Variants in POLA1 observed in about 807,000 individuals in gnomAD.
The protein encoded by POLA1 is DNA polymerase alpha catalytic subunit.
POLA1 carries 15 observed loss-of-function variants against 124.0 expected under a neutral mutation model. The observed-to-expected ratio is 0.12, with a 90% CI of 0.08 to 0.19. POLA1 has a LOEUF of 0.19. Among genes scored for constraint, POLA1 ranks in the 10% least tolerant of loss-of-function variants. The pLI, the probability that POLA1 is intolerant of heterozygous loss-of-function variation, is 1.00. For synonymous variants in POLA1, 408 were observed against 389.4 expected (o/e 1.05, Z -0.56); for missense variants, 886 against 1,103.4 (o/e 0.80, Z 2.79).
intron 34 of POLA1, among the ~76,000 whole-genome samples, chrX:24,864,233 C>T (rs750440157): frequency 5.4e-5 from 6 of 111,097 alleles, no homozygotes; most frequent in Admixed American, 9.6e-5. Flanking sequence ...CCGCCCGCCT[C>T]GGCCTCCCAA....
intron 26 of POLA1, among the ~76,000 whole-genome samples, chrX:24,762,719 G>A (rs1167637837): frequency 9.0e-6 from 1 of 110,670 alleles, no homozygotes; most frequent in Non-Finnish European, 1.9e-5. Flanking sequence ...CGTTGACCAA[G>A]AGGCAGATGT....
chrX:24,887,847 A>T (rs1401317353), intron 34 of POLA1, among the ~76,000 whole-genome samples, 159 bp from the exon 35 acceptor site: 1 of 107,935 alleles, frequency 9.3e-6, no homozygotes, highest in Non-Finnish European at 1.9e-5. Flanking sequence ...TGGGGCATAG[A>T]TCTATCTAAT....
intron 4 of POLA1, among the ~76,000 whole-genome samples, chrX:24,707,962 T>C (rs1287645745): frequency 8.9e-6 from 1 of 112,115 alleles, no homozygotes; most frequent in Non-Finnish European, 1.9e-5. Context: ...GCCACTGCAC[T>C]CCAGCCTGGG....
At chrX:24,947,921 G>A (rs1343827758) in intron 36 of POLA1, among the ~76,000 whole-genome samples, 2 of 112,289 alleles carry the variant, frequency 1.8e-5, no homozygotes, top group African/African-American at 6.5e-5. Context: ...ATCATTGCAC[G>A]ATATCATTGT....
chrX:24,877,608 G>A (rs1336170075), intron 34 of POLA1, among the ~76,000 whole-genome samples: 1 of 111,910 alleles, frequency 8.9e-6, no homozygotes, highest in Non-Finnish European at 1.9e-5. Flanking sequence ...ATGATGATTT[G>A]TGCTAAGGCG....
chrX:24,928,759 C>T (rs973616320), intron 35 of POLA1, among the ~76,000 whole-genome samples: 2 of 111,940 alleles, frequency 1.8e-5, no homozygotes, highest in African/African-American at 6.5e-5. Context: ...TAATCGCTGT[C>T]GTCCTCCTTT....
At chrX:24,938,858 C>T (rs1385119205) in intron 36 of POLA1, among the ~76,000 whole-genome samples, 1 of 112,348 alleles carries the variant, frequency 8.9e-6, no homozygotes, top group African/African-American at 3.2e-5. Flanking sequence ...GTTGCTTTCC[C>T]CATAAGTAGA....
intron 34 of POLA1, among the ~76,000 whole-genome samples, chrX:24,887,782 CAT>C (rs758122954): frequency 2.8e-5 from 3 of 107,932 alleles, no homozygotes; most frequent in African/African-American, 6.8e-5. Flanking sequence ...AATAACATCT[CAT>C]GTGATTTTCT....
chrX:24,805,792 A>G (rs992319689), intron 26 of POLA1, among the ~76,000 whole-genome samples: 1 of 111,167 alleles, frequency 9.0e-6, no homozygotes, highest in Non-Finnish European at 1.9e-5. Context: ...TTATTAATGA[A>G]TTTAGCAAGC....
At chrX:24,753,369 A>ATTTTATTTTATTTT (rs1289778406) in intron 26 of POLA1, among the ~76,000 whole-genome samples, 1 of 101,603 alleles carries the variant, frequency 9.8e-6, no homozygotes, top group African/African-American at 3.7e-5. Context: ...ATTTTATTTT[A>ATTTTATTTTATTTT]AGAAACAGGG....
rs907334474 is a variant in POLA1, at chrX:24,786,847, C to T, written c.2965-23051C>T. 3.7e-5 allele frequency among the ~76,000 whole-genome samples: 4 copies of T among 108,334 alleles called. 1 individual carries two copies. The highest frequency in any genetic ancestry group is 1.3e-4 in the African/African-American group (4 of 29,644). 94.1% of individuals were successfully genotyped at this position (108,334 alleles called of 115,157 possible). A position where few individuals can be genotyped will look rare whatever the true frequency, so the allele number is the denominator to read the frequency against. On this transcript the variant is annotated intron_variant, in intron 26 of 36. Coordinates refer to ENST00000379068, the MANE Select transcript of POLA1 (RefSeq NM_001330360.2). Reference sequence around the variant, plus strand: ...GGACTACAGGCATAGGCGTGCACCACCATGCCCCTCTAATTTTTTTTAAAG... The same window carrying T: ...GGACTACAGGCATAGGCGTGCACCATCATGCCCCTCTAATTTTTTTTAAAG...
chrX:24,930,792 G>A (rs1287114238), intron 36 of POLA1, among the ~76,000 whole-genome samples: 1 of 112,290 alleles, frequency 8.9e-6, no homozygotes, highest in African/African-American at 3.2e-5. Context: ...GGGAGGAACA[G>A]TACAAAAAGG....
intron 36 of POLA1, among the ~76,000 whole-genome samples, chrX:24,981,604 C>T (rs972620069): frequency 1.8e-5 from 2 of 112,064 alleles, no homozygotes; most frequent in Non-Finnish European, 3.8e-5. Context: ...TTTGTAAAGC[C>T]TTTTTTTCAG....
chrX:24,921,778 T>C (rs375462518), intron 35 of POLA1, among the ~76,000 whole-genome samples: 16 of 111,899 alleles, frequency 1.4e-4, no homozygotes, highest in African/African-American at 5.2e-4. Flanking sequence ...GTATTTATAG[T>C]AGCCATGTAT....
At position 24,931,433 on chromosome X, in the gene POLA1, C is replaced by T. The variant is rs186253197; in HGVS notation, c.4261+884C>T. ...CCATGCTGCCCTTGATTTGTTCTCA[C>T]TGTTTTTAATTCCAGTCATAATTGA... On this transcript the variant is annotated intron_variant, in intron 36 of 36. Coordinates refer to ENST00000379068, the MANE Select transcript of POLA1 (RefSeq NM_001330360.2). 4.5e-3 allele frequency among the ~76,000 whole-genome samples: 502 copies of T among 111,795 alleles called. 1 individual carries two copies. The highest frequency in any genetic ancestry group is 8.1e-3 in the Non-Finnish European group (432 of 53,227).
At chrX:24,751,982 A>G (rs1246277453) in intron 26 of POLA1, among the ~76,000 whole-genome samples, 2 of 112,113 alleles carry the variant, frequency 1.8e-5, no homozygotes, top group African/African-American at 6.5e-5. Flanking sequence ...ATTAATGAGA[A>G]GGAAACCTGG....
chrX:24,935,344 A>T (rs1410916540), intron 36 of POLA1, among the ~76,000 whole-genome samples: 1 of 112,651 alleles, frequency 8.9e-6, no homozygotes, highest in Non-Finnish European at 1.9e-5. Context: ...GAACACTAGG[A>T]TGTAGAATTC....
At chrX:24,716,333 C>T (rs1929834387) in intron 6 of POLA1, 29 bp from the exon 7 acceptor site, 2 of 757,852 alleles carry the variant, frequency 2.6e-6, no homozygotes, top group African/African-American at 2.1e-5. Context: ...CCAAGCATGG[C>T]AGTGAATATG....
chrX:24,808,258 C>G (rs2045837457), intron 26 of POLA1, among the ~76,000 whole-genome samples: 1 of 111,891 alleles, frequency 8.9e-6, no homozygotes, highest in African/African-American at 3.2e-5. Context: ...ATGGTTGCCA[C>G]TGCTCCAAGC....
Sources: allele counts gnomAD v4.1 joint callset (sites outside exome capture counted in the v4.1 genomes callset), GRCh38; gene constraint gnomAD v4.1.1; transcripts MANE v1.5; gene names NCBI Gene and HGNC (gene_info 2026-07-23, HGNC 2026-07-21).